STXBP5L: variants seen among roughly 807,000 people sequenced by gnomAD.
The protein encoded by STXBP5L is syntaxin-binding protein 5-like.
A neutral mutation model predicts 144.5 loss-of-function variants in STXBP5L; 65 were observed. That is an observed-to-expected ratio of 0.45 (90% CI 0.37 to 0.55). The LOEUF is 0.55. STXBP5L is among the 20% of genes least tolerant of loss of function. The pLI is 0.00. For missense variants in STXBP5L, 1,298 were observed against 1,405.5 expected (o/e 0.92, Z 1.22); for synonymous variants, 505 against 469.6 (o/e 1.08, Z -0.97).
chr3:121,259,712 A>G (rs1187175822), intron 18 of STXBP5L, among the ~76,000 whole-genome samples: 2 of 151,958 alleles, frequency 1.3e-5, no homozygotes, highest in Admixed American at 6.6e-5. Context: ...TGATACTTCC[A>G]TATTTGGTAT....
intron 22 of STXBP5L, among the ~76,000 whole-genome samples, chr3:121,397,666 TTA>T (rs2046764652): frequency 6.6e-6 from 1 of 152,202 alleles, no homozygotes; most frequent in Non-Finnish European, 1.5e-5. Context: ...ATTTCATGCA[TTA>T]TATGTTGACT....
chr3:120,920,761 T>C (rs1178059536), intron 2 of STXBP5L, among the ~76,000 whole-genome samples: 1 of 151,818 alleles, frequency 6.6e-6, no homozygotes, highest in Non-Finnish European at 1.5e-5. Context: ...CTGTGCTTGG[T>C]TTATTTCATT....
chr3:121,393,380 G>C (rs1166801787), intron 22 of STXBP5L, among the ~76,000 whole-genome samples: 1 of 151,996 alleles, frequency 6.6e-6, no homozygotes, highest in Non-Finnish European at 1.5e-5. Context: ...TCCTCAAGTT[G>C]TTTATTCACT....
At chr3:121,303,846 G>A (rs1487907490) in intron 19 of STXBP5L, among the ~76,000 whole-genome samples, 3 of 152,060 alleles carry the variant, frequency 2.0e-5, no homozygotes, top group African/African-American at 7.2e-5. Context: ...CATGGACACA[G>A]GAAGGGGAAC....
intron 19 of STXBP5L, among the ~76,000 whole-genome samples, chr3:121,309,228 A>G (rs1000318726): frequency 6.6e-6 from 1 of 152,092 alleles, no homozygotes; most frequent in African/African-American, 2.4e-5. Flanking sequence ...TTTTTAAAAA[A>G]TCAAGATCTG....
intron 9 of STXBP5L, among the ~76,000 whole-genome samples, chr3:121,165,318 C>T (rs955968353): frequency 6.6e-6 from 1 of 152,090 alleles, no homozygotes; most frequent in Admixed American, 6.6e-5. Context: ...GATGTTTTAT[C>T]TGCATATATA....
chr3:121,082,865 A>G (rs1239801386), intron 5 of STXBP5L, among the ~76,000 whole-genome samples: 1 of 152,202 alleles, frequency 6.6e-6, no homozygotes, highest in Non-Finnish European at 1.5e-5. Context: ...TTGTTTTTAA[A>G]TGTATGGCTG....
At chr3:121,161,554 T>C (rs1258658494) in intron 9 of STXBP5L, among the ~76,000 whole-genome samples, 2 of 151,432 alleles carry the variant, frequency 1.3e-5, no homozygotes, top group East Asian at 3.9e-4. Flanking sequence ...AAGATTCTCA[T>C]ATATATATAT....
At chr3:121,089,273 T>A (rs984793427) in intron 5 of STXBP5L, among the ~76,000 whole-genome samples, 1 of 151,772 alleles carries the variant, frequency 6.6e-6, no homozygotes, top group African/African-American at 2.4e-5. Context: ...CATAAAGCAA[T>A]TTTTTATTGG....
Position 121,381,420 on chromosome 3 carries a change from C to T in STXBP5L, c.2475C>T (p.Ile825=). 6.2e-7 allele frequency: 1 copy of T among 1,608,044 alleles called. No individual in the cohort carries two copies. The highest frequency in any genetic ancestry group is 8.5e-7 in the Non-Finnish European group (1 of 1,178,272). Reference sequence around the variant, plus strand: ...TTGCACGGAAAAATGACTCTACCATCTCTCCTTGTCTGTTCGTTGGAACCA... The same window carrying T: ...TTGCACGGAAAAATGACTCTACCATTTCTCCTTGTCTGTTCGTTGGAACCA... ...DSFARKNDST[I]SPCLFVGTSL... Residue 825 remains isoleucine (I), a synonymous_variant, in exon 22 of 27, where the codon ATC becomes ATT. Coordinates refer to ENST00000471454, the MANE Select transcript of STXBP5L (RefSeq NM_001308330.2).
At chr3:121,279,702 C>T in intron 18 of STXBP5L, 103 bp from the exon 19 acceptor site, 1 of 1,414,032 alleles carries the variant, frequency 7.1e-7, no homozygotes, top group Non-Finnish European at 9.7e-7. Context: ...CCAACTTCCC[C>T]AACCCTAAGA....
At chr3:121,048,002 A>G (rs1205540564) in intron 5 of STXBP5L, among the ~76,000 whole-genome samples, 2 of 151,858 alleles carry the variant, frequency 1.3e-5, no homozygotes, top group South Asian at 2.1e-4. Context: ...TGCTTTCCAT[A>G]TTTAGCACTC....
At chr3:121,093,469 A>T (rs1214137179) in intron 5 of STXBP5L, among the ~76,000 whole-genome samples, 1 of 152,204 alleles carries the variant, frequency 6.6e-6, no homozygotes, top group Non-Finnish European at 1.5e-5. Flanking sequence ...TGGTCTATTC[A>T]GAGATTCAAC....
intron 18 of STXBP5L, among the ~76,000 whole-genome samples, chr3:121,269,724 T>C (rs955514833): frequency 6.6e-6 from 1 of 152,206 alleles, no homozygotes; most frequent in Non-Finnish European, 1.5e-5. Flanking sequence ...GAGAGGTTTT[T>C]TATCTCTACT....
chr3:121,352,248 G>A (rs1242664603), intron 20 of STXBP5L, among the ~76,000 whole-genome samples: 2 of 152,024 alleles, frequency 1.3e-5, no homozygotes, highest in African/African-American at 2.4e-5. Context: ...GATGGGGATG[G>A]CATTGAATCT....
intron 14 of STXBP5L, among the ~76,000 whole-genome samples, chr3:121,247,895 T>G (rs1342917294): frequency 6.6e-6 from 1 of 152,256 alleles, no homozygotes; most frequent in Non-Finnish European, 1.5e-5. Context: ...CCCAACCGCT[T>G]TCTACTTTCA....
chr3:121,150,786 T>G (rs2045904030), intron 7 of STXBP5L, among the ~76,000 whole-genome samples: 2 of 152,074 alleles, frequency 1.3e-5, no homozygotes, highest in South Asian at 4.1e-4. Flanking sequence ...TCTCATACAC[T>G]CAATAAAGTT....
intron 10 of STXBP5L, among the ~76,000 whole-genome samples, chr3:121,219,708 G>A (rs1010115685): frequency 1.3e-5 from 2 of 152,042 alleles, no homozygotes; most frequent in Admixed American, 1.3e-4. Flanking sequence ...TATTACGGCA[G>A]CCTACTGATA....
At chr3:121,002,710 C>T (rs910596943) in intron 3 of STXBP5L, among the ~76,000 whole-genome samples, 1 of 151,664 alleles carries the variant, frequency 6.6e-6, no homozygotes, top group Non-Finnish European at 1.5e-5. Context: ...CCCCCAGCCC[C>T]CCACCCCACA....
Sources: allele counts gnomAD v4.1 joint callset (sites outside exome capture counted in the v4.1 genomes callset), GRCh38; gene constraint gnomAD v4.1.1; transcripts MANE v1.5; gene names NCBI Gene and HGNC (gene_info 2026-07-23, HGNC 2026-07-21).